PCDHGA3: variants seen among roughly 807,000 people sequenced by gnomAD.
The protein encoded by PCDHGA3 is protocadherin gamma-A3.
Under a neutral mutation model 58.5 loss-of-function variants are expected in PCDHGA3, and 40 were observed. That is an observed-to-expected ratio of 0.68 (90% CI 0.53 to 0.89). The LOEUF (loss-of-function observed/expected upper bound fraction) is 0.89, where lower values mean the gene tolerates loss of function less well. PCDHGA3 is among the 40% of genes least tolerant of loss of function. The pLI, the probability that PCDHGA3 is intolerant of heterozygous loss-of-function variation, is 0.00. For synonymous variants in PCDHGA3, 530 were observed against 525.7 expected, an observed-to-expected ratio of 1.01 and a Z score of -0.11; for missense variants, 1,223 against 1,195.9, an observed-to-expected ratio of 1.02 and a Z score of -0.33.
chr5:141,371,696 C>G lies in PCDHGA3; in HGVS notation c.2424+25239C>G, dbSNP rs746156642. 4.3e-6 allele frequency: 7 copies of G among 1,614,058 alleles called. 1 individual carries two copies. The South Asian group carries it at 7.7e-5, about 18-fold the overall frequency. On this transcript the variant is annotated intron_variant, in intron 1 of 3. Transcript: ENST00000253812. ...ACAAAGGCAATCCACCGCTCTCCTCCAGCAAGACCATCACTCTGCACATCC... is the reference window on the plus strand; with the variant it reads ...ACAAAGGCAATCCACCGCTCTCCTCGAGCAAGACCATCACTCTGCACATCC...
chr5:141,447,257 A>G (rs1182682161), intron 1 of PCDHGA3, among the ~76,000 whole-genome samples: 1 of 152,080 alleles, frequency 6.6e-6, no homozygotes, highest in Non-Finnish European at 1.5e-5. Flanking sequence ...CTTCTGTCTC[A>G]GCCTCCCAAG....
At chr5:141,362,637 TTGTC>T (rs1762610119) in intron 1 of PCDHGA3, 48 of 1,479,318 alleles carry the variant, frequency 3.2e-5, no homozygotes, top group Non-Finnish European at 4.2e-5. Context: ...GCGTATTTCT[TTGTC>T]TGTGAGTTAG....
intron 1 of PCDHGA3, among the ~76,000 whole-genome samples, chr5:141,461,165 TG>T (rs2099010296): frequency 6.6e-6 from 1 of 152,146 alleles, no homozygotes; most frequent in South Asian, 2.1e-4. Flanking sequence ...ATAGTGGGAT[TG>T]CTGGATTGAA....
rs201386958 is a variant in PCDHGA3 at position 141,413,172 on chromosome 5, T to G, written c.2424+66715T>G. 2.6e-4 allele frequency: 413 copies of G among 1,598,292 alleles called. 3 individuals carry two copies. In the East Asian group the frequency reaches 7.0e-3, roughly 27 times the overall value. ...ACTTTGCAGAATTCTGTAACCAGACTACAATGGCCGCTCAAAGGAATCGCT... is the reference window on the plus strand; with the variant it reads ...ACTTTGCAGAATTCTGTAACCAGACGACAATGGCCGCTCAAAGGAATCGCT... On this transcript the variant is annotated intron_variant, in intron 1 of 3. Coordinates refer to ENST00000253812, the MANE Select transcript of PCDHGA3 (RefSeq NM_018916.4).
chr5:141,425,207 G>A lies in PCDHGA3; in HGVS notation c.2425-69600G>A, dbSNP rs546494803. 1.8e-3 allele frequency among the ~76,000 whole-genome samples: 281 copies of A among 152,238 alleles called. 1 individual carries two copies. The highest frequency in any genetic ancestry group is 6.6e-3 in the African/African-American group (274 of 41,534). ...TCCAAACTGAGAAAAATGATGTAAG[G>A]CATTGTACTTTGACTGGAATTAGTT... On this transcript the variant is annotated intron_variant, in intron 1 of 3. Coordinates refer to ENST00000253812, the MANE Select transcript of PCDHGA3 (RefSeq NM_018916.4).
intron 1 of PCDHGA3, chr5:141,375,553 A>C: frequency 6.2e-7 from 1 of 1,613,838 alleles, no homozygotes; most frequent in Non-Finnish European, 8.5e-7. Flanking sequence ...TCTCCTACTC[A>C]CTGGCAGAAG....
chr5:141,444,146 T>C (rs2098418879), intron 1 of PCDHGA3, among the ~76,000 whole-genome samples: 2 of 145,824 alleles, frequency 1.4e-5, no homozygotes, highest in South Asian at 4.3e-4. Flanking sequence ...CACTTGTGTG[T>C]ACTGGATTTT....
intron 1 of PCDHGA3, chr5:141,371,246 T>G: frequency 6.2e-7 from 1 of 1,614,006 alleles, no homozygotes; most frequent in South Asian, 1.1e-5. Flanking sequence ...TCATCAATAT[T>G]GGCAAGGAAG....
At chr5:141,393,971 A>G (rs769025757) in intron 1 of PCDHGA3, 3 of 1,613,904 alleles carry the variant, frequency 1.9e-6, no homozygotes, top group Non-Finnish European at 2.5e-6. Flanking sequence ...TCTGTTACAC[A>G]CGTGATAATT....
chr5:141,508,043 T>A (rs2099865910), intron 3 of PCDHGA3: 1 of 152,252 alleles, frequency 6.6e-6, no homozygotes, highest in Non-Finnish European at 1.5e-5. Context: ...CAGCCAGCTG[T>A]GTTCCAGCTA....
chr5:141,364,947 C>T (rs761720184), intron 1 of PCDHGA3: 2 of 1,613,944 alleles, frequency 1.2e-6, no homozygotes, highest in African/African-American at 1.3e-5. Flanking sequence ...GAGAAAGAGA[C>T]TGTTCACGAC....
In PCDHGA3 at chr5:141,344,418, A is replaced by G. The variant is rs1588458780; in HGVS notation, c.385A>G (p.Asn129Asp). ...VEIEIKDIND[N>D]APNFPTEELE... ...AATAGAAATTAAAGATATTAATGAT[A>G]ATGCTCCTAATTTCCCAACAGAGGA... Residue 129 changes from asparagine (N) to aspartate (D), a missense_variant, in exon 1 of 4, where the codon AAT (asparagine) becomes GAT (aspartate). By Grantham distance (23) the Asn-to-Asp change is conservative. Transcript: ENST00000253812. 6.2e-7 allele frequency: 1 copy of G among 1,612,616 alleles called. No individual in the cohort carries two copies. The highest frequency in any genetic ancestry group is 1.7e-5 in the Admixed American group (1 of 59,864).
At chr5:141,409,125 A>AT in intron 1 of PCDHGA3, 1 of 1,613,982 alleles carries the variant, frequency 6.2e-7, no homozygotes, top group African/African-American at 1.3e-5. Flanking sequence ...CAGTCATTTG[A>AT]TTTTGAAGAT....
chr5:141,353,966 T>C (rs540808482), intron 1 of PCDHGA3, among the ~76,000 whole-genome samples: 1 of 152,356 alleles, frequency 6.6e-6, no homozygotes, highest in Admixed American at 6.5e-5. Context: ...GCTTAAGAAC[T>C]GATGTACTGC....
intron 1 of PCDHGA3, chr5:141,418,389 AT>A (rs1429903562): frequency 5.6e-6 from 9 of 1,613,878 alleles, no homozygotes; most frequent in Non-Finnish European, 6.8e-6. Flanking sequence ...CCTAACGAGT[AT>A]TTCTCATTGG....
chr5:141,388,212 G>C, intron 1 of PCDHGA3: 3 of 1,590,850 alleles, frequency 1.9e-6, no homozygotes, highest in Non-Finnish European at 2.6e-6. Flanking sequence ...TGAGGCTGTT[G>C]CTGAAAATCC....
chr5:141,465,950 A>G (rs570810183), intron 1 of PCDHGA3, among the ~76,000 whole-genome samples: 2 of 152,102 alleles, frequency 1.3e-5, no homozygotes, highest in African/African-American at 4.8e-5. Flanking sequence ...GTGAAACCCC[A>G]TCTCTACTAA....
At position 141,420,090 on chromosome 5, in the gene PCDHGA3, G is replaced by A. The variant is rs779478924; in HGVS notation, c.2424+73633G>A. 4.2e-5 allele frequency: 68 copies of A among 1,613,932 alleles called. No individual in the cohort carries two copies. Among genetic ancestry groups the A allele is most frequent in the Non-Finnish European group, 5.7e-5 (67 of 1,179,886 alleles). On this transcript the variant is annotated intron_variant, in intron 1 of 3. Coordinates refer to ENST00000253812, the MANE Select transcript of PCDHGA3 (RefSeq NM_018916.4). ...GGACCTGTGGGTCCCCCCAACTACA[G>A]TGAGGGAACGTTGCCCTATGCCTAT...
rs202006594 is a variant in PCDHGA3 at position 141,477,618 on chromosome 5, C to G, written c.2425-17189C>G. On this transcript the variant is annotated intron_variant, in intron 1 of 3. Coordinates refer to ENST00000253812, the MANE Select transcript of PCDHGA3 (RefSeq NM_018916.4). The surrounding 1 kb of genome is among the most constrained non-coding windows in gnomAD (Gnocchi z 4.9). ...TCTTTCTTTCTCTTGGAGCAAGGAGCTGAAACCGGGCTAGTGGGTCGCTAT... is the reference window on the plus strand; with the variant it reads ...TCTTTCTTTCTCTTGGAGCAAGGAGGTGAAACCGGGCTAGTGGGTCGCTAT... 6.2e-7 allele frequency: 1 copy of G among 1,614,176 alleles called. No individual in the cohort carries two copies. Among genetic ancestry groups the G allele is most frequent in the East Asian group, 2.2e-5 (1 of 44,890 alleles).
Sources: allele counts gnomAD v4.1 joint callset (sites outside exome capture counted in the v4.1 genomes callset), GRCh38; gene constraint gnomAD v4.1.1; non-coding constraint Gnocchi (gnomAD v3.1); transcripts MANE v1.5; gene names NCBI Gene and HGNC (gene_info 2026-07-23, HGNC 2026-07-21).